Variants in GPATCH1 observed in about 807,000 individuals in gnomAD.
GPATCH1 encodes G patch domain-containing protein 1.
Under a neutral mutation model 114.9 loss-of-function variants are expected in GPATCH1, and 73 were observed. That is an observed-to-expected ratio of 0.64 (90% CI 0.53 to 0.77). The LOEUF is 0.77. GPATCH1 is among the 30% of genes least tolerant of loss of function. The pLI is 0.00. For synonymous variants in GPATCH1, 391 were observed against 428.4 expected, an observed-to-expected ratio of 0.91 and a Z score of 1.08; for missense variants, 1,058 against 1,144.3, an observed-to-expected ratio of 0.92 and a Z score of 1.09.
At chr19:33,086,837 G>A (rs185926954) in intron 1 of GPATCH1, among the ~76,000 whole-genome samples, 18 of 151,962 alleles carry the variant, frequency 1.2e-4, no homozygotes, top group Admixed American at 1.1e-3. Context: ...GGCTGGACGC[G>A]GTCGCTCACA....
chr19:33,087,564 C>A (rs7251626), intron 1 of GPATCH1, among the ~76,000 whole-genome samples: 82,859 of 151,964 alleles, frequency 0.55, 26,913 homozygotes, highest in African/African-American at 0.88. Context: ...GATGGTGTGA[C>A]GTTCTAGAAG....
At chr19:33,117,060 G>A (rs558620981) in intron 15 of GPATCH1, among the ~76,000 whole-genome samples, 23 of 151,972 alleles carry the variant, frequency 1.5e-4, no homozygotes, top group Non-Finnish European at 3.1e-4. Flanking sequence ...GTTGGGTGTG[G>A]TGGCATGCAC....
chr19:33,101,888 A>G (rs9304845), intron 9 of GPATCH1, among the ~76,000 whole-genome samples: 62,966 of 151,612 alleles, frequency 0.42, 16,509 homozygotes, highest in African/African-American at 0.73. Context: ...AATTAGCCGC[A>G]CGTGGTGTCG....
chr19:33,107,462 T>C (rs1972798361), intron 10 of GPATCH1, among the ~76,000 whole-genome samples: 1 of 152,202 alleles, frequency 6.6e-6, no homozygotes, highest in South Asian at 2.1e-4. Flanking sequence ...GGAATGTGGT[T>C]AAGGTGCCTT....
Position 33,130,142 on chromosome 19 carries a change from T to A in GPATCH1, c.2778T>A (p.Leu926=), listed in dbSNP as rs780517659. The A allele has an allele frequency of 1.2e-6, 2 of 1,611,514 alleles. No individual in the cohort carries two copies. Among genetic ancestry groups the A allele is most frequent in the Admixed American group, 1.7e-5 (1 of 59,960 alleles). Residue 926 remains leucine (L), a synonymous_variant, in exon 20 of 20, where the codon CTT becomes CTA. Coordinates refer to ENST00000170564, the MANE Select transcript of GPATCH1 (RefSeq NM_018025.3). ...TTTTCTTTTCCAGGCTGAAAAGTCT[T>A]CCACTAAGAAGGCAGTAATTGAATG... ...PQELLRRLKS[L]PLRRQ is the part of the protein sequence containing the mutation.
intron 11 of GPATCH1, 96 bp from the exon 12 acceptor site, chr19:33,111,628 A>C: frequency 9.4e-7 from 1 of 1,064,764 alleles, no homozygotes; most frequent in South Asian, 1.5e-5. Context: ...GGACTTATGA[A>C]ATATACAGGG....
At chr19:33,121,113 T>TTTTA (rs1025477063) in intron 17 of GPATCH1, among the ~76,000 whole-genome samples, 4 of 151,426 alleles carry the variant, frequency 2.6e-5, no homozygotes, top group Non-Finnish European at 4.4e-5. Context: ...ATTTTTAAAA[T>TTTTA]TTTATTTATT....
intron 15 of GPATCH1, among the ~76,000 whole-genome samples, chr19:33,117,104 G>A (rs1215200438): frequency 2.0e-5 from 3 of 152,058 alleles, no homozygotes; most frequent in Non-Finnish European, 2.9e-5. Context: ...GCTACGGTTG[G>A]AGGATCACTT....
intron 5 of GPATCH1, among the ~76,000 whole-genome samples, chr19:33,094,767 G>A (rs781174076): frequency 1.6e-4 from 24 of 152,140 alleles, no homozygotes; most frequent in Admixed American, 3.3e-4. Flanking sequence ...GACTGTAAGT[G>A]ACTCTTTGAG....
At position 33,111,609 on chromosome 19, in the gene GPATCH1, CAAGGAT is replaced by C. The variant is rs1972854584; in HGVS notation, c.1586-109_1586-104del. The stretch of plus-strand genomic sequence containing the variant: ...CTCACCATTCCCATAGTCATAAAAA[CAAGGAT>C]AAGGACTTATGAAATATACAGGGAT... On this transcript the variant is annotated intron_variant, in intron 11 of 19. Transcript: ENST00000170564. 6.7e-6 allele frequency: 6 copies of C among 900,254 alleles called. No homozygotes were observed. The East Asian group carries it at 1.5e-4, about 23-fold the overall frequency. The allele number at this position is 900,254 out of a possible 1,614,324, so 55.8% of individuals were successfully genotyped here. A position where few individuals can be genotyped will look rare whatever the true frequency, so the allele number is the denominator to read the frequency against.
chr19:33,106,440 GCTT>G (rs1252906618), intron 9 of GPATCH1, among the ~76,000 whole-genome samples: 1 of 152,102 alleles, frequency 6.6e-6, no homozygotes, highest in Admixed American at 6.5e-5. Context: ...AGGCACATTA[GCTT>G]CTTTCTGTAG....
Position 33,119,062 on chromosome 19 carries a change from G to A in GPATCH1, c.2466G>A (p.Met822Ile). ...CACCTTCCTTCCCGATACAAAAGAT[G>A]CAGATAGATGAAAGAGAAGAGTTCG... ...EPPPSFPIQK[M>I]QIDEREEFGP... Residue 822 changes from methionine to isoleucine, a missense_variant, in exon 17 of 20, where the codon ATG becomes ATA. Met to Ile is a conservative substitution (Grantham distance 10). This residue lies in a region of GPATCH1 where 893 missense variants were observed against 977.4 expected (regional missense o/e 0.91). Coordinates refer to ENST00000170564, the MANE Select transcript of GPATCH1 (RefSeq NM_018025.3). The A allele has an allele frequency of 6.2e-7, 1 of 1,613,520 alleles. No homozygotes were observed. The highest frequency in any genetic ancestry group is 8.5e-7 in the Non-Finnish European group (1 of 1,179,778).
At chr19:33,098,911 C>A (rs1972694204) in intron 8 of GPATCH1, among the ~76,000 whole-genome samples, 1 of 151,068 alleles carries the variant, frequency 6.6e-6, no homozygotes, top group African/African-American at 2.4e-5. Flanking sequence ...TTTTTTTTTT[C>A]CTTCCAATGT....
chr19:33,103,391 G>GTT (rs1568343484), intron 9 of GPATCH1, among the ~76,000 whole-genome samples: 2 of 152,232 alleles, frequency 1.3e-5, no homozygotes, highest in South Asian at 4.1e-4. Context: ...AAATGCAGGT[G>GTT]TTTTACATGT....
At chr19:33,099,701 C>T (rs185471373) in intron 8 of GPATCH1, among the ~76,000 whole-genome samples, 4 of 151,572 alleles carry the variant, frequency 2.6e-5, no homozygotes, top group Non-Finnish European at 4.4e-5. Context: ...CGGGTTCAAG[C>T]GATTCTCTTG....
At chr19:33,104,853 T>C (rs183856361) in intron 9 of GPATCH1, among the ~76,000 whole-genome samples, 10 of 152,208 alleles carry the variant, frequency 6.6e-5, no homozygotes, top group Admixed American at 4.6e-4. Context: ...AAGAAAAGTC[T>C]AGAAAATAGC....
At chr19:33,113,978 G>A (rs1392629990) in intron 14 of GPATCH1, 75 bp downstream of exon 14, 1 of 1,357,866 alleles carries the variant, frequency 7.4e-7, no homozygotes, top group African/African-American at 1.5e-5. Context: ...AGAATTAAAG[G>A]GTAGTTTAGT....
intron 3 of GPATCH1, among the ~76,000 whole-genome samples, chr19:33,092,976 G>A (rs1972613140): frequency 6.6e-6 from 1 of 152,068 alleles, no homozygotes; most frequent in Non-Finnish European, 1.5e-5. Context: ...ATCACCTGAG[G>A]TCAGGAGTTC....
rs1972788472 is a variant in GPATCH1, at chr19:33,106,700, T to C, written c.1086T>C (p.Tyr362=). The change falls in exon 10 of 20, where the codon TAT becomes TAC. Residue 362 remains tyrosine, a synonymous_variant. Transcript: ENST00000170564. Reference sequence around the variant, plus strand: ...TTTTGTCTTGGTTTGTTAAGATCTATCCACCTCCAGAGCTGCCAAGAGACT... The same window carrying C: ...TTTTGTCTTGGTTTGTTAAGATCTACCCACCTCCAGAGCTGCCAAGAGACT... ...ASKPLSSKKI[Y]PPPELPRDYR... The C allele has an allele frequency of 6.2e-7, 1 of 1,612,642 alleles. No individual in the cohort carries two copies. Among genetic ancestry groups the C allele is most frequent in the Admixed American group, 1.7e-5 (1 of 59,984 alleles).
Sources: gnomAD v4.1 joint callset for allele counts (sites outside exome capture counted in the v4.1 genomes callset) on GRCh38, gnomAD v4.1.1 for gene constraint, gnomAD v4.1.1 regional missense constraint, MANE v1.5 for transcripts, NCBI Gene and HGNC (gene_info 2026-07-23, HGNC 2026-07-21) for gene names.